The following SGCE variants were observed in gnomAD, a reference collection of about 807,000 sequenced individuals.
The protein encoded by SGCE is sarcoglycan epsilon.
A neutral mutation model predicts 57.8 loss-of-function variants in SGCE; 26 were observed. That is an observed-to-expected ratio of 0.45 (90% CI 0.33 to 0.62). The LOEUF is 0.62. Among genes scored for constraint, SGCE ranks in the 20% least tolerant of loss-of-function variants. The pLI, the probability that SGCE is intolerant of heterozygous loss-of-function variation, is 0.02. For missense variants in SGCE, 468 were observed against 548.6 expected, an observed-to-expected ratio of 0.85 and a Z score of 1.47; for synonymous variants, 183 against 189.5, an observed-to-expected ratio of 0.97 and a Z score of 0.28.
intron 3 of SGCE, chr7:94,625,173 A>C (rs1803496215): frequency 6.6e-6 from 1 of 152,040 alleles, no homozygotes; most frequent in Non-Finnish European, 1.5e-5. Flanking sequence ...TAAAATCTAA[A>C]TATTTCAGAT....
At chr7:94,644,816 TCTC>T (rs1024293453) in intron 1 of SGCE, 1 of 287,412 alleles carries the variant, frequency 3.5e-6, no homozygotes, top group Non-Finnish European at 7.0e-6. Context: ...TTTATGCAAT[TCTC>T]CTCATTTCTT....
At chr7:94,649,368 G>C (rs1807562711) in intron 1 of SGCE, among the ~76,000 whole-genome samples, 1 of 152,094 alleles carries the variant, frequency 6.6e-6, no homozygotes, top group Admixed American at 6.5e-5. Flanking sequence ...CTAATGTTTT[G>C]AGGCTACCTA....
rs539833626 is a variant in SGCE at position 94,627,787 on chromosome 7, A to G, written c.390+415T>C. On this transcript the variant is annotated intron_variant, in intron 3 of 10. Transcript: ENST00000648936. ...GGGCAAGATTCACCTATTATTTATC[A>G]TTCTATCCCTAAGCACCTATCACAA... is the stretch of plus-strand genomic sequence containing the variant. 1.1e-4 allele frequency: 19 copies of G among 171,812 alleles called. No homozygotes were observed. In the South Asian group the frequency reaches 2.5e-3, roughly 23 times the overall value. The allele number at this position is 171,812 out of a possible 1,614,324, so 10.6% of individuals were successfully genotyped here.
chr7:94,639,480 T>A (rs1200456068), intron 1 of SGCE: 1 of 1,282,828 alleles, frequency 7.8e-7, no homozygotes, highest in Admixed American at 2.1e-5. Flanking sequence ...TACAAAAAAA[T>A]GAAATTAATG....
chr7:94,601,203 T>C (rs1799166510), intron 6 of SGCE, among the ~76,000 whole-genome samples: 1 of 152,038 alleles, frequency 6.6e-6, no homozygotes, highest in Admixed American at 6.6e-5. Flanking sequence ...TGTAAATGTC[T>C]TATTTCCTAG....
At chr7:94,607,061 AAAG>A (rs748183112) in intron 5 of SGCE, among the ~76,000 whole-genome samples, 1 of 152,146 alleles carries the variant, frequency 6.6e-6, no homozygotes, top group Non-Finnish European at 1.5e-5. Flanking sequence ...GAAACTAGAA[AAAG>A]AAGAACAAAT....
At position 94,630,002 on chromosome 7, in the gene SGCE, A is replaced by C. The variant is rs1804434728; in HGVS notation, c.110-161T>G. The C allele has an allele frequency of 7.8e-6, 6 of 769,490 alleles. No individual in the cohort carries two copies. In the East Asian group the frequency reaches 8.5e-5, roughly 11 times the overall value. The allele number at this position is 769,490 out of a possible 1,614,324, so 47.7% of individuals were successfully genotyped here. On this transcript the variant is annotated intron_variant, in intron 1 of 10. Transcript: ENST00000648936. ...AAACTGTTAATAACAATTTGTTTTA[A>C]ATGGAAGTGATTTCAGGACAAAATG...
chr7:94,642,226 T>C (rs909728524), intron 1 of SGCE, among the ~76,000 whole-genome samples: 9 of 152,308 alleles, frequency 5.9e-5, no homozygotes, highest in African/African-American at 2.2e-4. Flanking sequence ...ATCTACTAAA[T>C]GACCAATCTT....
At chr7:94,646,408 T>G (rs1446217081) in intron 1 of SGCE, among the ~76,000 whole-genome samples, 1 of 152,204 alleles carries the variant, frequency 6.6e-6, no homozygotes. Context: ...TCTGCTCCTT[T>G]GCTCAAATAG....
At chr7:94,655,687 C>A (rs1418222949) in intron 1 of SGCE, among the ~76,000 whole-genome samples, 1 of 149,644 alleles carries the variant, frequency 6.7e-6, no homozygotes, top group Non-Finnish European at 1.5e-5. Context: ...TACCCTGGGG[C>A]TGGGCGGGGA....
At chr7:94,623,823 G>GTT (rs796569746) in intron 3 of SGCE, 3 of 364,316 alleles carry the variant, frequency 8.2e-6, no homozygotes, top group African/African-American at 6.3e-5. Flanking sequence ...ATATCTTTGT[G>GTT]TTTTTTTGCA....
intron 5 of SGCE, among the ~76,000 whole-genome samples, chr7:94,613,236 A>G (rs1915989): frequency 0.13 from 20,467 of 152,218 alleles, 1,545 homozygotes; most frequent in South Asian, 0.24. Flanking sequence ...GTTTGAACAC[A>G]CTGGCTTTTA....
chr7:94,635,977 A>C (rs1305185734), intron 1 of SGCE, among the ~76,000 whole-genome samples: 2 of 152,124 alleles, frequency 1.3e-5, no homozygotes, highest in African/African-American at 4.8e-5. Context: ...GGAATCCATC[A>C]CTAAGAAGGC....
chr7:94,615,387 TA>T (rs1322430201), intron 5 of SGCE, among the ~76,000 whole-genome samples: 1 of 148,018 alleles, frequency 6.8e-6, no homozygotes, highest in Non-Finnish European at 1.5e-5. Context: ...GATAGATAGA[TA>T]GATAGATAGA....
Position 94,615,308 on chromosome 7 carries a change from G to A in SGCE, c.662+3450C>T, listed in dbSNP as rs535315130. Among the ~76,000 whole-genome samples the A allele has an allele frequency of 2.6e-5, 4 of 151,994 alleles. No homozygotes were observed. In the South Asian group the frequency reaches 8.3e-4, roughly 32 times the overall value. ...CAGGAGGCAGAGGTTGCTGTGAGTC[G>A]AGATCCCACCACTGCACTCTAGCCT... On this transcript the variant is annotated intron_variant, in intron 5 of 10. Transcript: ENST00000648936.
At position 94,600,704 on chromosome 7, in the gene SGCE, C is replaced by T. The variant is rs1373390218; in HGVS notation, c.979G>A (p.Val327Met). 1 of 1,613,878 alleles carries T rather than the reference C, an allele frequency of 6.2e-7. No homozygotes were observed. Among genetic ancestry groups the T allele is most frequent in the South Asian group, 1.1e-5 (1 of 91,076 alleles). ...FLITLAVPSA[V>M]ALVLFLILAY... ...AGTATTAGAAAAAGGACCAGTGCCA[C>T]TGCCGAGGGCACAGCCAGTGTAATT... The change falls in exon 7 of 11, where the codon GTG becomes ATG. Residue 327 changes from valine (V) to methionine (M), a missense_variant. By Grantham distance (21) the Val-to-Met change is conservative. Transcript: ENST00000648936.
intron 1 of SGCE, chr7:94,644,595 A>G: frequency 8.1e-7 from 1 of 1,239,130 alleles, no homozygotes; most frequent in Non-Finnish European, 1.1e-6. Context: ...TAATCTGATT[A>G]TCATACTCAC....
intron 9 of SGCE, chr7:94,598,568 A>G: frequency 3.4e-6 from 2 of 585,726 alleles, no homozygotes; most frequent in Non-Finnish European, 6.1e-6. Context: ...TCTTGTTTGG[A>G]TCAGTGGGGG....
At chr7:94,648,875 G>A (rs1210893463) in intron 1 of SGCE, among the ~76,000 whole-genome samples, 1 of 152,176 alleles carries the variant, frequency 6.6e-6, no homozygotes, top group Admixed American at 6.5e-5. Flanking sequence ...CACTTTAACT[G>A]CTGTAAGAAA....
Sources: gnomAD v4.1 joint callset for allele counts (sites outside exome capture counted in the v4.1 genomes callset) on GRCh38, gnomAD v4.1.1 for gene constraint, MANE v1.5 for transcripts, NCBI Gene and HGNC (gene_info 2026-07-23, HGNC 2026-07-21) for gene names.